The following SPG11 variants were observed in gnomAD, a reference collection of about 807,000 sequenced individuals.
SPG11 encodes the protein spatacsin.
SPG11 carries 222 observed loss-of-function variants against 274.0 expected under a neutral mutation model. The observed-to-expected ratio is 0.81, with a 90% CI of 0.73 to 0.91. The LOEUF is 0.91. Among genes scored for constraint, SPG11 ranks in the 40% least tolerant of loss-of-function variants. The pLI is 0.00. For missense variants in SPG11, 3,114 were observed against 2,872.7 expected (o/e 1.08, Z -1.92); for synonymous variants, 1,144 against 1,039.7 (o/e 1.10, Z -1.93).
rs2082221258 is a variant in SPG11 at position 44,562,892 on chromosome 15, A to G, written c.*229T>C. The G allele has an allele frequency of 1.9e-6, 1 of 523,338 alleles. No homozygotes were observed. Among genetic ancestry groups the G allele is most frequent in the South Asian group, 2.2e-5 (1 of 45,040 alleles). 32.4% of individuals were successfully genotyped at this position (523,338 alleles called of 1,614,324 possible). A position where few individuals can be genotyped will look rare whatever the true frequency, so the allele number is the denominator to read the frequency against. ...AGAGGAAGCTTTTGATCTTAATACT[A>G]GTATCTATATAAAATGGTGTGGATG... On this transcript the variant is annotated 3_prime_UTR_variant, in exon 40 of 40. Transcript: ENST00000261866.
chr15:44,577,657 CTT>C (rs1240813575), intron 30 of SPG11, among the ~76,000 whole-genome samples: 1 of 152,156 alleles, frequency 6.6e-6, no homozygotes, highest in Non-Finnish European at 1.5e-5. Flanking sequence ...TCTACTGTGT[CTT>C]TCCCACTGAA....
Position 44,632,681 on chromosome 15 carries a change from A to C in SPG11, c.1735+824T>G, listed in dbSNP as rs144208422. Among the ~76,000 whole-genome samples, 21 of 152,042 alleles carry C rather than the reference A, an allele frequency of 1.4e-4. No homozygotes were observed. In the East Asian group the frequency reaches 4.1e-3, roughly 29 times the overall value. ...CGTCATCATGCCCAACTAATTTTTA[A>C]AATTCTTTTGTAGAATGGGGTCTTG... On this transcript the variant is annotated intron_variant, in intron 8 of 39. Transcript: ENST00000261866.
At chr15:44,627,991 C>T (rs1459298438) in intron 10 of SPG11, among the ~76,000 whole-genome samples, 1 of 152,212 alleles carries the variant, frequency 6.6e-6, no homozygotes, top group South Asian at 2.1e-4. Flanking sequence ...ATCTTAACAA[C>T]CTAGCAGCAT....
chr15:44,602,278 CCTTGT>C (rs1271431841), intron 20 of SPG11, among the ~76,000 whole-genome samples: 3 of 152,000 alleles, frequency 2.0e-5, no homozygotes, highest in Non-Finnish European at 4.4e-5. Flanking sequence ...GGGTGGGCAT[CCTTGT>C]CTTATTTCTG....
chr15:44,563,383 G>T, intron 39 of SPG11, 82 bp from the exon 40 acceptor site: 4 of 1,336,130 alleles, frequency 3.0e-6, no homozygotes, highest in Non-Finnish European at 4.2e-6. Flanking sequence ...CTGTTGCCCA[G>T]GCTGGAGTGC....
In SPG11 at chr15:44,573,601, C is replaced by T. The variant is rs771057519; in HGVS notation, c.6151G>A (p.Glu2051Lys). Residue 2051 changes from glutamate (E) to lysine (K), a missense_variant, in exon 32 of 40, where the codon GAA (glutamate) becomes AAA (lysine). Transcript: ENST00000261866. Reference sequence around the variant, plus strand: ...CGTGTCACCTCTTCTGCCACGAGTTCAGCCACAGTATCTGGCTTAAGGCCC... The same window carrying T: ...CGTGTCACCTCTTCTGCCACGAGTTTAGCCACAGTATCTGGCTTAAGGCCC... ...TQGLKPDTVA[E>K]LVAEEVTREL... 6.2e-7 allele frequency: 1 copy of T among 1,614,078 alleles called. No homozygotes were observed. Among genetic ancestry groups the T allele is most frequent in the Non-Finnish European group, 8.5e-7 (1 of 1,180,048 alleles).
At chr15:44,598,191 A>G in intron 23 of SPG11, 74 bp downstream of exon 23, 1 of 1,107,128 alleles carries the variant, frequency 9.0e-7, no homozygotes, top group Middle Eastern at 2.0e-4. Flanking sequence ...AGAGTTGTTC[A>G]AAGAAAAACT....
intron 30 of SPG11, among the ~76,000 whole-genome samples, chr15:44,582,413 T>G (rs1341850162): frequency 6.6e-6 from 1 of 152,028 alleles, no homozygotes; most frequent in Non-Finnish European, 1.5e-5. Context: ...CCAAGCGTGG[T>G]GGTACACGCC....
chr15:44,645,795 G>A (rs949460450), intron 7 of SPG11, among the ~76,000 whole-genome samples: 5 of 152,072 alleles, frequency 3.3e-5, no homozygotes, highest in African/African-American at 9.7e-5. Flanking sequence ...TAAAAAGTGG[G>A]AAAAGGACAT....
intron 6 of SPG11, among the ~76,000 whole-genome samples, chr15:44,650,624 T>TAA (rs201279968): frequency 8.0e-6 from 1 of 125,666 alleles, no homozygotes. Context: ...ACACTCTGCC[T>TAA]AAAAAAAAAA....
intron 17 of SPG11, among the ~76,000 whole-genome samples, chr15:44,611,501 T>C (rs114986723): frequency 0.011 from 1,634 of 152,304 alleles, 33 homozygotes; most frequent in African/African-American, 0.038. Flanking sequence ...TTAGAGCTGG[T>C]CACAGTGAGT....
At position 44,584,416 on chromosome 15, in the gene SPG11, T is replaced by C. The variant is rs2140947395; in HGVS notation, c.5264A>G (p.Gln1755Arg). 1.9e-6 allele frequency: 3 copies of C among 1,614,206 alleles called. No homozygotes were observed. The East Asian group carries it at 6.7e-5, about 36-fold the overall frequency. Residue 1755 changes from glutamine (Q) to arginine (R), a missense_variant, in exon 30 of 40, where the codon CAG (glutamine) becomes CGG (arginine). Coordinates refer to ENST00000261866, the MANE Select transcript of SPG11 (RefSeq NM_025137.4). ...TGGGTGCTCACATGCCACATGGGCC[T>C]GGGTTGAGAAAAAGGAAGAAGCTGC... is the stretch of plus-strand genomic sequence containing the variant. ...SKAASSFFSTQAHVACEHPTG... is the reference protein window; with the variant it reads ...SKAASSFFSTRAHVACEHPTG...
Position 44,584,366 on chromosome 15 carries a change from G to T in SPG11, c.5314C>A (p.Arg1772Ser). The change falls in exon 30 of 40, where the codon CGC (arginine) becomes AGC (serine). Residue 1772 changes from arginine (R) to serine (S), a missense_variant. Physicochemically the swap from Arg to Ser is moderately radical, Grantham distance 110 (BLOSUM62 -1). Coordinates refer to ENST00000261866, the MANE Select transcript of SPG11 (RefSeq NM_025137.4). ...HPTGWSSMEE[R>S]HLLLTLAGHW... The stretch of plus-strand genomic sequence containing the variant: ...CCTGCCAAGGTGAGCAGCAGATGGC[G>T]CTCCTCCATGCTGCTCCATCCAGTT... 1 of 1,611,532 alleles carries T rather than the reference G, an allele frequency of 6.2e-7. No individual in the cohort carries two copies. Among genetic ancestry groups the T allele is most frequent in the Non-Finnish European group, 8.5e-7 (1 of 1,178,196 alleles).
chr15:44,563,957 G>A (rs1019429068), intron 39 of SPG11, among the ~76,000 whole-genome samples: 2 of 152,098 alleles, frequency 1.3e-5, no homozygotes, highest in African/African-American at 4.8e-5. Context: ...TATAGAGTAA[G>A]TTTAGTACTC....
chr15:44,631,338 T>C (rs2084054204), intron 8 of SPG11, among the ~76,000 whole-genome samples: 2 of 152,124 alleles, frequency 1.3e-5, no homozygotes, highest in East Asian at 1.9e-4. Context: ...AAGATGTCTA[T>C]AGTATAAAGT....
At chr15:44,606,198 G>A in intron 19 of SPG11, 107 bp from the exon 20 acceptor site, 1 of 838,020 alleles carries the variant, frequency 1.2e-6, no homozygotes, top group Non-Finnish European at 2.0e-6. Context: ...CCTTTTCCAA[G>A]GCAATTTAAG....
In SPG11 at chr15:44,651,550, C is replaced by T; in HGVS notation, c.1397G>A (p.Gly466Asp). 2 of 1,614,142 alleles carry T rather than the reference C, an allele frequency of 1.2e-6. No individual in the cohort carries two copies. Among genetic ancestry groups the T allele is most frequent in the Non-Finnish European group, 1.7e-6 (2 of 1,180,020 alleles). The change falls in exon 6 of 40, where the codon GGC becomes GAC. Residue 466 changes from glycine to aspartate, a missense_variant. Physicochemically the swap from Gly to Asp is moderately conservative, Grantham distance 94. Transcript: ENST00000261866. ...ACTGTCTACAGGAATACACTTTGTGCCAAGGGAAAAACACTGCATGCCCTG... is the reference window on the plus strand; with the variant it reads ...ACTGTCTACAGGAATACACTTTGTGTCAAGGGAAAAACACTGCATGCCCTG... Reference protein sequence around the residue: ...ETQGMQCFSLGTKCIPVDSSG... With the variant: ...ETQGMQCFSLDTKCIPVDSSG...
chr15:44,638,752 T>C (rs1235216449), intron 7 of SPG11, among the ~76,000 whole-genome samples: 1 of 152,166 alleles, frequency 6.6e-6, no homozygotes, highest in Non-Finnish European at 1.5e-5. Flanking sequence ...TCCCGGCACT[T>C]TGGGAAACCG....
Position 44,660,415 on chromosome 15 carries a change from C to G in SPG11, c.442+17G>C. 1 of 1,609,266 alleles carries G rather than the reference C, an allele frequency of 6.2e-7. No homozygotes were observed. Among genetic ancestry groups the G allele is most frequent in the Middle Eastern group, 1.7e-4 (1 of 6,058 alleles). ...CACAAATTTAAATATGCTGAAAGAC[C>G]ACCTGTAGATACTTACTGATATCTT... On this transcript the variant is annotated intron_variant, in intron 2 of 39. Coordinates refer to ENST00000261866, the MANE Select transcript of SPG11 (RefSeq NM_025137.4).
Sources: allele counts gnomAD v4.1 joint callset (sites outside exome capture counted in the v4.1 genomes callset), GRCh38; gene constraint gnomAD v4.1.1; transcripts MANE v1.5; gene names NCBI Gene and HGNC (gene_info 2026-07-23, HGNC 2026-07-21).